Variants in ARHGEF12 observed in about 807,000 individuals in gnomAD.
The protein encoded by ARHGEF12 is Rho guanine nucleotide exchange factor 12, also known as KMT2A/ARHGEF12 fusion protein.
In ARHGEF12, 66 loss-of-function variants were observed where a neutral mutation model predicts 211.2. That is an observed-to-expected ratio of 0.31 (90% CI 0.26 to 0.38). ARHGEF12 has a LOEUF of 0.38. ARHGEF12 is among the 10% of genes least tolerant of loss of function. ARHGEF12 has a pLI of 1.00. For missense variants in ARHGEF12, 1,429 were observed against 1,869.5 expected (o/e 0.76, Z 4.34); for synonymous variants, 592 against 638.4 (o/e 0.93, Z 1.09).
chr11:120,391,448 C>T (rs1420963899), intron 1 of ARHGEF12, among the ~76,000 whole-genome samples: 1 of 152,206 alleles, frequency 6.6e-6, no homozygotes, highest in Non-Finnish European at 1.5e-5. Flanking sequence ...GCAGGGTCTT[C>T]CTGCCTTTGG....
intron 22 of ARHGEF12, among the ~76,000 whole-genome samples, chr11:120,455,388 C>CTGGATG (rs997735137): frequency 4.6e-5 from 7 of 152,328 alleles, no homozygotes; most frequent in African/African-American, 1.7e-4. Flanking sequence ...GCATCACATT[C>CTGGATG]CTCATCATAA....
chr11:120,401,124 G>A (rs1219049696), intron 1 of ARHGEF12, among the ~76,000 whole-genome samples: 5 of 152,174 alleles, frequency 3.3e-5, no homozygotes, highest in Non-Finnish European at 7.4e-5. Context: ...AAAAAGTATG[G>A]CAGTATGGCT....
chr11:120,460,844 C>T (rs1946504356), intron 27 of ARHGEF12, 87 bp downstream of exon 27: 5 of 1,119,276 alleles, frequency 4.5e-6, no homozygotes, highest in Non-Finnish European at 6.7e-6. Context: ...TCCAAATATG[C>T]AAACTCATCC....
At chr11:120,477,659 G>A in intron 36 of ARHGEF12, 133 bp downstream of exon 36, 1 of 729,270 alleles carries the variant, frequency 1.4e-6, no homozygotes, top group African/African-American at 1.8e-5. Flanking sequence ...GAGGCCAGGA[G>A]TTAGAGGCCA....
chr11:120,396,649 C>T (rs1017478299), intron 1 of ARHGEF12, among the ~76,000 whole-genome samples: 1 of 152,132 alleles, frequency 6.6e-6, no homozygotes, highest in Non-Finnish European at 1.5e-5. Flanking sequence ...GGATATCACA[C>T]TCTATATAAA....
intron 3 of ARHGEF12, chr11:120,408,141 T>C (rs1944768583): frequency 4.8e-6 from 1 of 208,876 alleles, no homozygotes; most frequent in South Asian, 1.8e-4. Context: ...AATCATGGTA[T>C]AAGCAGTAAT....
intron 7 of ARHGEF12, among the ~76,000 whole-genome samples, chr11:120,426,927 C>T (rs991737752): frequency 5.9e-5 from 9 of 151,920 alleles, no homozygotes; most frequent in African/African-American, 9.7e-5. Flanking sequence ...CCCAGGCTGG[C>T]GTGCAGTGGC....
At chr11:120,471,187 A>G (rs1946853702) in intron 30 of ARHGEF12, among the ~76,000 whole-genome samples, 1 of 152,224 alleles carries the variant, frequency 6.6e-6, no homozygotes, top group South Asian at 2.1e-4. Flanking sequence ...TTTATTCATA[A>G]TAGCGAAAAG....
intron 1 of ARHGEF12, among the ~76,000 whole-genome samples, chr11:120,388,990 G>A (rs1033276532): frequency 6.6e-6 from 1 of 152,036 alleles, no homozygotes; most frequent in Non-Finnish European, 1.5e-5. Context: ...AGCCTCCCAA[G>A]TAGCTGGGAT....
At chr11:120,349,344 T>C (rs1299659419) in intron 1 of ARHGEF12, among the ~76,000 whole-genome samples, 1 of 152,222 alleles carries the variant, frequency 6.6e-6, no homozygotes, top group African/African-American at 2.4e-5. Context: ...ATTATATTAA[T>C]TTTGACTCCC....
chr11:120,475,461 C>T lies in ARHGEF12; in HGVS notation c.3231C>T (p.Ser1077=), dbSNP rs150472234. 2,705 of 1,614,140 alleles carry T rather than the reference C, an allele frequency of 1.7e-3. 11 individuals are homozygous for T. The highest frequency in any genetic ancestry group is 0.013 in the Middle Eastern group (77 of 6,062). ...ASTADSKHTF[S]PVIKLSTVLV... is the part of the protein sequence containing the mutation. Reference sequence around the variant, plus strand: ...CAGCTGATAGCAAACACACGTTTAGCCCTGTCATTAAGTTGAGTACAGTGT... The same window carrying T: ...CAGCTGATAGCAAACACACGTTTAGTCCTGTCATTAAGTTGAGTACAGTGT... The change falls in exon 33 of 41, where the codon AGC becomes AGT. Residue 1077 remains serine (S), a synonymous_variant. Coordinates refer to ENST00000397843, the MANE Select transcript of ARHGEF12 (RefSeq NM_015313.3).
Position 120,407,740 on chromosome 11 carries a change from A to G in ARHGEF12, c.59A>G (p.His20Arg), listed in dbSNP as rs1372974707. The change falls in exon 3 of 41, where the codon CAT (histidine) becomes CGT (arginine). Residue 20 changes from histidine to arginine, a missense_variant and splice_region_variant. This residue lies in a region of ARHGEF12 where 41 missense variants were observed against 48.6 expected (regional missense o/e 0.84). Transcript: ENST00000397843. ...DRFPLKKPIR[H>R]GSILNRESPT... ...TTGATTACTTTGCTTTAATTTAGGC[A>G]TGGAAGTATTTTGAACCGAGAGTCA... The G allele has an allele frequency of 6.2e-7, 1 of 1,612,732 alleles. No individual in the cohort carries two copies. Among genetic ancestry groups the G allele is most frequent in the Non-Finnish European group, 8.5e-7 (1 of 1,179,226 alleles).
At chr11:120,421,426 C>CTTT (rs1945181934) in intron 5 of ARHGEF12, among the ~76,000 whole-genome samples, 3 of 136,916 alleles carry the variant, frequency 2.2e-5, no homozygotes, top group African/African-American at 8.2e-5. Context: ...ACTTTACAGC[C>CTTT]TTGTTTTTTT....
chr11:120,367,990 T>C (rs889108649), intron 1 of ARHGEF12, among the ~76,000 whole-genome samples: 6 of 151,814 alleles, frequency 4.0e-5, no homozygotes. Context: ...CAAAAATAAA[T>C]AAATAAAAGA....
At position 120,465,263 on chromosome 11, in the gene ARHGEF12, G is replaced by A. The variant is rs1214531114; in HGVS notation, c.2640G>A (p.Leu880=). 1 of 1,614,122 alleles carries A rather than the reference G, an allele frequency of 6.2e-7. No individual in the cohort carries two copies. The highest frequency in any genetic ancestry group is 2.2e-5 in the East Asian group (1 of 44,874). ...TCAGCGGACCAGGAGAGGAGAAATT[G>A]AAACATGCTGCTGCTACCTTTTGCA... ...TWFSGPGEEK[L]KHAAATFCSN... The change falls in exon 28 of 41, where the codon TTG becomes TTA. Residue 880 remains leucine (L), a synonymous_variant. Transcript: ENST00000397843.
chr11:120,450,899 T>C (rs1314305754), intron 21 of ARHGEF12: 2 of 152,220 alleles, frequency 1.3e-5, no homozygotes, highest in East Asian at 1.9e-4. Context: ...TTCCTCTCCT[T>C]CTTTTCTCAT....
At chr11:120,380,792 G>T (rs1251122268) in intron 1 of ARHGEF12, among the ~76,000 whole-genome samples, 1 of 152,126 alleles carries the variant, frequency 6.6e-6, no homozygotes, top group African/African-American at 2.4e-5. Context: ...GGAAGATTTG[G>T]ATCTTTCCCC....
intron 1 of ARHGEF12, among the ~76,000 whole-genome samples, chr11:120,396,610 A>G (rs1944397641): frequency 6.6e-6 from 1 of 152,220 alleles, no homozygotes; most frequent in African/African-American, 2.4e-5. Context: ...AGTTTCAACA[A>G]ACGGTGCTGG....
chr11:120,385,241 G>T, intron 1 of ARHGEF12: 1 of 943,668 alleles, frequency 1.1e-6, no homozygotes, highest in South Asian at 4.9e-5. Flanking sequence ...GCGCAGTGTT[G>T]GGCTTCGAAT....
Sources: gnomAD v4.1 joint callset for allele counts (sites outside exome capture counted in the v4.1 genomes callset) on GRCh38, gnomAD v4.1.1 for gene constraint, gnomAD v4.1.1 regional missense constraint, MANE v1.5 for transcripts, NCBI Gene and HGNC (gene_info 2026-07-23, HGNC 2026-07-21) for gene names.